The following ENOX1 variants were observed in gnomAD, a reference collection of about 807,000 sequenced individuals.
ENOX1 encodes ecto-NOX disulfide-thiol exchanger 1.
Under a neutral mutation model 82.5 loss-of-function variants are expected in ENOX1, and 42 were observed. The observed-to-expected ratio is 0.51, with a 90% CI of 0.40 to 0.66. ENOX1 has a LOEUF of 0.66. ENOX1 is among the 30% of genes least tolerant of loss of function. ENOX1 has a pLI of 0.00. For missense variants in ENOX1, 608 were observed against 811.6 expected (o/e 0.75, Z 3.05); for synonymous variants, 271 against 282.2 (o/e 0.96, Z 0.40).
At chr13:43,506,757 G>C (rs112118824) in intron 2 of ENOX1, among the ~76,000 whole-genome samples, 1 of 127,284 alleles carries the variant, frequency 7.9e-6, no homozygotes, top group African/African-American at 2.8e-5. Context: ...AACACCGCAT[G>C]TTCTCACTCA....
chr13:43,781,281 T>C (rs1204828317), intron 1 of ENOX1, among the ~76,000 whole-genome samples: 1 of 152,186 alleles, frequency 6.6e-6, no homozygotes. Flanking sequence ...GATGATGCAT[T>C]AATTCCACAA....
At chr13:43,578,108 C>T (rs569914537) in intron 2 of ENOX1, among the ~76,000 whole-genome samples, 1 of 152,186 alleles carries the variant, frequency 6.6e-6, no homozygotes, top group East Asian at 1.9e-4. Context: ...TTAGACTTTA[C>T]CTGACGACAC....
At chr13:43,491,965 A>G (rs2076633820) in intron 2 of ENOX1, among the ~76,000 whole-genome samples, 1 of 152,194 alleles carries the variant, frequency 6.6e-6, no homozygotes, top group Admixed American at 6.5e-5. Context: ...CCTTGGATCC[A>G]GTAGAAATGG....
At chr13:43,288,646 G>C (rs901378433) in intron 12 of ENOX1, among the ~76,000 whole-genome samples, 1 of 152,090 alleles carries the variant, frequency 6.6e-6, no homozygotes, top group Non-Finnish European at 1.5e-5. Context: ...ATATATTAAA[G>C]ATATTAGGAT....
chr13:43,269,382 G>A (rs909329358), intron 13 of ENOX1, 88 bp downstream of exon 13: 1 of 1,017,904 alleles, frequency 9.8e-7, no homozygotes, highest in Non-Finnish European at 1.5e-6. Context: ...ATTACTTTCA[G>A]TAAATGTTTG....
chr13:43,650,975 G>C (rs2084140477), intron 2 of ENOX1, among the ~76,000 whole-genome samples: 1 of 152,160 alleles, frequency 6.6e-6, no homozygotes, highest in Admixed American at 6.5e-5. Context: ...CTATAAGAGA[G>C]ATCAGTGCAC....
chr13:43,463,202 T>C lies in ENOX1; in HGVS notation c.-75+20807A>G, dbSNP rs1323146. Among the ~76,000 whole-genome samples, 1,041 of 150,614 alleles carry C rather than the reference T, an allele frequency of 6.9e-3. 12 individuals are homozygous for C. Among genetic ancestry groups the C allele is most frequent in the African/African-American group, 0.023 (959 of 40,936 alleles). ...TAACCTTTATACACACACACACTCA[T>C]GTTGCCTTTTTTGATGCACTTTTGT... On this transcript the variant is annotated intron_variant, in intron 3 of 16. Coordinates refer to ENST00000690772, the MANE Select transcript of ENOX1 (RefSeq NM_001347969.2).
At chr13:43,437,738 G>T (rs1411585324) in intron 3 of ENOX1, among the ~76,000 whole-genome samples, 1 of 152,176 alleles carries the variant, frequency 6.6e-6, no homozygotes, top group African/African-American at 2.4e-5. Flanking sequence ...CATTCATTCA[G>T]TGAATATTTA....
At chr13:43,616,257 C>T (rs1228593758) in intron 2 of ENOX1, among the ~76,000 whole-genome samples, 2 of 127,278 alleles carry the variant, frequency 1.6e-5, no homozygotes, top group African/African-American at 5.7e-5. Flanking sequence ...GGCTGGAGTG[C>T]AGTGGTGTGA....
At chr13:43,706,335 G>A (rs1247786369) in intron 1 of ENOX1, among the ~76,000 whole-genome samples, 1 of 151,830 alleles carries the variant, frequency 6.6e-6, no homozygotes, top group Non-Finnish European at 1.5e-5. Flanking sequence ...ATGAATATCA[G>A]CAGGGCCAAT....
intron 1 of ENOX1, among the ~76,000 whole-genome samples, chr13:43,745,390 C>T (rs994736312): frequency 1.3e-5 from 2 of 151,964 alleles, no homozygotes; most frequent in African/African-American, 4.8e-5. Flanking sequence ...TACATATATA[C>T]AAAGGCCAAA....
chr13:43,325,332 A>G (rs2048049379), intron 10 of ENOX1, among the ~76,000 whole-genome samples: 1 of 152,238 alleles, frequency 6.6e-6, no homozygotes, highest in South Asian at 2.1e-4. Context: ...AATAAATTGC[A>G]CTAGCATTTT....
intron 2 of ENOX1, among the ~76,000 whole-genome samples, chr13:43,574,719 G>A (rs1179402179): frequency 6.6e-6 from 1 of 152,158 alleles, no homozygotes; most frequent in South Asian, 2.1e-4. Context: ...ATTTTAATCT[G>A]CCATGCCTGA....
chr13:43,393,271 G>T (rs1283166815), intron 5 of ENOX1, among the ~76,000 whole-genome samples: 1 of 152,146 alleles, frequency 6.6e-6, no homozygotes, highest in Non-Finnish European at 1.5e-5. Context: ...TTAGGCCTAA[G>T]TCCTGATAAA....
intron 2 of ENOX1, among the ~76,000 whole-genome samples, chr13:43,525,954 AT>A (rs2077972430): frequency 6.6e-6 from 1 of 151,966 alleles, no homozygotes; most frequent in Non-Finnish European, 1.5e-5. Context: ...TATATTCTTC[AT>A]TTTTTAAGTT....
At chr13:43,243,066 GTGGAGGT>G (rs1293938447) in intron 14 of ENOX1, among the ~76,000 whole-genome samples, 7 of 150,266 alleles carry the variant, frequency 4.7e-5, no homozygotes, top group Admixed American at 2.0e-4. Context: ...AACCCGGAAG[GTGGAGGT>G]TGCAGTGAGC....
intron 3 of ENOX1, among the ~76,000 whole-genome samples, chr13:43,425,445 A>C (rs944756850): frequency 3.3e-5 from 5 of 152,176 alleles, no homozygotes; most frequent in Non-Finnish European, 7.4e-5. Flanking sequence ...ACCGTCCCCC[A>C]TTAACACATT....
At chr13:43,779,502 A>C (rs1444673704) in intron 1 of ENOX1, among the ~76,000 whole-genome samples, 1 of 152,206 alleles carries the variant, frequency 6.6e-6, no homozygotes, top group Non-Finnish European at 1.5e-5. Flanking sequence ...AATAGGAGGT[A>C]CTTGCAGAAT....
intron 12 of ENOX1, among the ~76,000 whole-genome samples, chr13:43,288,167 A>C (rs552486179): frequency 5.3e-5 from 8 of 152,374 alleles, no homozygotes; most frequent in Admixed American, 5.2e-4. Flanking sequence ...AGTTAAAGGA[A>C]GACCATGGTG....
Sources: gnomAD v4.1 joint callset for allele counts (sites outside exome capture counted in the v4.1 genomes callset) on GRCh38, gnomAD v4.1.1 for gene constraint, MANE v1.5 for transcripts, NCBI Gene and HGNC (gene_info 2026-07-23, HGNC 2026-07-21) for gene names.